Variants in PUSL1 observed in about 807,000 individuals in gnomAD.
PUSL1 encodes the protein pseudouridine synthase like 1.
In PUSL1, 51 loss-of-function variants were observed where a neutral mutation model predicts 30.7. The observed-to-expected ratio is 1.66, with a 90% confidence interval of 1.33 to 2.10. The LOEUF is 2.10. PUSL1 is among the 30% of genes most tolerant of loss of function. The pLI is 0.00. For missense variants in PUSL1, 609 were observed against 427.6 expected (o/e 1.42, Z -3.74); for synonymous variants, 290 against 192.1 (o/e 1.51, Z -4.21).
chr1:1,311,074 A>G lies in PUSL1; in HGVS notation c.862+3A>G. 3.8e-6 allele frequency: 6 copies of G among 1,595,208 alleles called. No individual in the cohort carries two copies. Among genetic ancestry groups the G allele is most frequent in the Non-Finnish European group, 5.1e-6 (6 of 1,166,730 alleles). ...GTCAGTGCTGTACGGGAACCTCGGTAAGAAAAACAGGCACGAGAAGCTCCT... is the reference window on the plus strand; with the variant it reads ...GTCAGTGCTGTACGGGAACCTCGGTGAGAAAAACAGGCACGAGAAGCTCCT... On this transcript the variant is annotated splice_donor_region_variant and intron_variant, in intron 7 of 7. Transcript: ENST00000379031.
At chr1:1,309,376 T>C in intron 3 of PUSL1, 78 bp from the exon 4 acceptor site, 3 of 1,491,994 alleles carry the variant, frequency 2.0e-6, no homozygotes, top group East Asian at 4.9e-5. Flanking sequence ...TGGTCGGAGC[T>C]CGAGGGGGAA....
rs773060240 is a variant in PUSL1 at position 1,310,678 on chromosome 1, T to G, written c.689T>G (p.Leu230Arg). The G allele has an allele frequency of 6.2e-7, 1 of 1,603,184 alleles. No homozygotes were observed. The highest frequency in any genetic ancestry group is 1.7e-5 in the Admixed American group (1 of 59,374). ...CTGGAGTTTGAGAGCCAGTCTTTCC[T>G]GTATAGACAGGTAGGCTCTGTTCTG... ...WNLEFESQSF[L>R]YRQVRRMTAV... Residue 230 changes from leucine to arginine, a missense_variant, in exon 6 of 8, where the codon CTG becomes CGG. Coordinates refer to ENST00000379031, the MANE Select transcript of PUSL1 (RefSeq NM_153339.3).
At chr1:1,308,756 G>A in intron 1 of PUSL1, 36 bp downstream of exon 1, 1 of 1,489,782 alleles carries the variant, frequency 6.7e-7, no homozygotes, top group Non-Finnish European at 9.0e-7. Context: ...GCGCCACGTG[G>A]GCCCGGGCGG....
In PUSL1 at chr1:1,309,697, G is replaced by A. The variant is rs1641993963; in HGVS notation, c.490G>A (p.Ala164Thr). Reference protein sequence around the residue: ...TLPADCLDMVAMQEAAQHLLG... With the variant: ...TLPADCLDMVTMQEAAQHLLG... ...TCCCTGAAGCTGCCTGGATATGGTC[G>A]CCATGCAGGAAGCCGCCCAGCACCT... Residue 164 changes from alanine to threonine, a missense_variant, in exon 5 of 8, where the codon GCC becomes ACC. Physicochemically the swap from Ala to Thr is moderately conservative, Grantham distance 58 (BLOSUM62 0). Transcript: ENST00000379031. 3 of 1,595,700 alleles carry A rather than the reference G, an allele frequency of 1.9e-6. No individual in the cohort carries two copies. Among genetic ancestry groups the A allele is most frequent in the African/African-American group, 1.3e-5 (1 of 74,612 alleles).
Position 1,309,997 on chromosome 1 carries a change from C to A in PUSL1, c.644+146C>A, listed in dbSNP as rs1642027638. Reference sequence around the variant, plus strand: ...ACCTGGACAGCTGGAGGGGATTCGCCCGGACGCCCCCCAGCCTCCAGCTGT... The same window carrying A: ...ACCTGGACAGCTGGAGGGGATTCGCACGGACGCCCCCCAGCCTCCAGCTGT... On this transcript the variant is annotated intron_variant, in intron 5 of 7. Coordinates refer to ENST00000379031, the MANE Select transcript of PUSL1 (RefSeq NM_153339.3). 4 of 605,782 alleles carry A rather than the reference C, an allele frequency of 6.6e-6. No homozygotes were observed. The East Asian group carries it at 1.2e-4, about 19-fold the overall frequency. The allele number at this position is 605,782 out of a possible 1,614,324, so 37.5% of individuals were successfully genotyped here.
In PUSL1 at chr1:1,308,852, A is replaced by G. The variant is rs1298173008; in HGVS notation, c.78-63A>G. 3 of 1,426,390 alleles carry G rather than the reference A, an allele frequency of 2.1e-6. No homozygotes were observed. In the East Asian group the frequency reaches 9.1e-5, roughly 43 times the overall value. The allele number at this position is 1,426,390 out of a possible 1,614,324, so 88.4% of individuals were successfully genotyped here. A position where few individuals can be genotyped will look rare whatever the true frequency, so the allele number is the denominator to read the frequency against. The stretch of plus-strand genomic sequence containing the variant: ...CGGGGAAGGAAGCGGCCCTGGCCTC[A>G]GACGGCGGCGGAGACCCCAGGGCAG... On this transcript the variant is annotated intron_variant, in intron 1 of 7. Coordinates refer to ENST00000379031, the MANE Select transcript of PUSL1 (RefSeq NM_153339.3).
intron 4 of PUSL1, 21 bp from the exon 5 acceptor site, chr1:1,309,660 C>CG: frequency 6.3e-7 from 1 of 1,596,236 alleles, no homozygotes; most frequent in Non-Finnish European, 8.6e-7. Context: ...ACCCTCCTGA[C>CG]GGTCACCCTG....
rs563046739 is a variant in PUSL1, at chr1:1,308,909, C to G, written c.78-6C>G. ...CCCGGTAACCTCCGCCCGCTTCTGC[C>G]CGCAGCGGGGTCGCGGCCGTCAGGG... On this transcript the variant is annotated splice_region_variant and splice_polypyrimidine_tract_variant and intron_variant, in intron 1 of 7. Coordinates refer to ENST00000379031, the MANE Select transcript of PUSL1 (RefSeq NM_153339.3). The G allele has an allele frequency of 1.8e-5, 25 of 1,415,064 alleles. No individual in the cohort carries two copies. In the African/African-American group the frequency reaches 3.6e-4, roughly 20 times the overall value. 87.7% of individuals were successfully genotyped at this position (1,415,064 alleles called of 1,614,324 possible). A position where few individuals can be genotyped will look rare whatever the true frequency, so the allele number is the denominator to read the frequency against.
Position 1,308,926 on chromosome 1 carries a change from C to T in PUSL1, c.89C>T (p.Ala30Val), listed in dbSNP as rs1299123847. Residue 30 changes from alanine (A) to valine (V), a missense_variant, in exon 2 of 8, where the codon GCC becomes GTC. Transcript: ENST00000379031. ...GCTTCTGCCCGCAGCGGGGTCGCGG[C>T]CGTCAGGGGCACTCAGCGCGCCGTC... ...YVGTDFNGVA[A>V]VRGTQRAVGV... 2.1e-6 allele frequency: 3 copies of T among 1,419,166 alleles called. No individual in the cohort carries two copies. The East Asian group carries it at 8.7e-5, about 41-fold the overall frequency. The allele number at this position is 1,419,166 out of a possible 1,614,324, so 87.9% of individuals were successfully genotyped here. A position where few individuals can be genotyped will look rare whatever the true frequency, so the allele number is the denominator to read the frequency against.
rs970441624 is a variant in PUSL1 at position 1,309,589 on chromosome 1, G to T, written c.459G>T (p.Trp153Cys). The stretch of plus-strand genomic sequence containing the variant: ...CGGTGTTTGAACGCAACCTATGCTG[G>T]ACTCTCCCGGCAGAGTGAGTGTGGC... Reference protein sequence around the residue: ...ELPVFERNLCWTLPADCLDMV... With the variant: ...ELPVFERNLCCTLPADCLDMV... Residue 153 changes from tryptophan (W) to cysteine (C), a missense_variant, in exon 4 of 8, where the codon TGG becomes TGT. Coordinates refer to ENST00000379031, the MANE Select transcript of PUSL1 (RefSeq NM_153339.3). The T allele has an allele frequency of 1.9e-6, 3 of 1,611,440 alleles. No homozygotes were observed. The highest frequency in any genetic ancestry group is 1.1e-5 in the South Asian group (1 of 91,034).
In PUSL1 at chr1:1,308,715, CT is replaced by C; in HGVS notation, c.75del (p.Phe25LeufsTer27). ...LVYFQYVGTD[F>X]NGVAAVRGTQ... Reference sequence around the variant, plus strand: ...TGTACTTCCAGTACGTGGGCACCGACTTTAAGTAGGTTTCCCAGGCGCAGCG... The same window carrying C: ...TGTACTTCCAGTACGTGGGCACCGACTTAAGTAGGTTTCCCAGGCGCAGCG... On this transcript the variant is annotated frameshift_variant, in exon 1 of 8. Transcript: ENST00000379031. LOFTEE classifies it high-confidence loss of function. The C allele has an allele frequency of 6.4e-7, 1 of 1,553,592 alleles. No homozygotes were observed. Among genetic ancestry groups the C allele is most frequent in the South Asian group, 1.2e-5 (1 of 84,340 alleles).
rs531110647 is a variant in PUSL1, at chr1:1,310,792, G to A, written c.699+104G>A. 1.7e-5 allele frequency: 27 copies of A among 1,590,346 alleles called. No individual in the cohort carries two copies. The South Asian group carries it at 2.3e-4, about 14-fold the overall frequency. ...GTGGGCGGCTCTGGGTCACAGGTACGGAGGATGACGGCTGTGCTGGTGGGT... is the reference window on the plus strand; with the variant it reads ...GTGGGCGGCTCTGGGTCACAGGTACAGAGGATGACGGCTGTGCTGGTGGGT... On this transcript the variant is annotated intron_variant, in intron 6 of 7. Transcript: ENST00000379031.
chr1:1,310,617 G>A lies in PUSL1; in HGVS notation c.645-17G>A, dbSNP rs1477361095. Reference sequence around the variant, plus strand: ...AAACACTGCCCCACAGACACCTACAGGTACGTATTTTTCCAGGAAGCTGCG... The same window carrying A: ...AAACACTGCCCCACAGACACCTACAAGTACGTATTTTTCCAGGAAGCTGCG... On this transcript the variant is annotated splice_polypyrimidine_tract_variant and intron_variant, in intron 5 of 7. Coordinates refer to ENST00000379031, the MANE Select transcript of PUSL1 (RefSeq NM_153339.3). 8.5e-6 allele frequency: 13 copies of A among 1,535,904 alleles called. No individual in the cohort carries two copies. Among genetic ancestry groups the A allele is most frequent in the Admixed American group, 1.8e-5 (1 of 54,460 alleles).
Position 1,309,255 on chromosome 1 carries a change from T to G in PUSL1, c.305T>G (p.Leu102Arg), listed in dbSNP as rs1374407110. 10 of 1,491,770 alleles carry G rather than the reference T, an allele frequency of 6.7e-6. No individual in the cohort carries two copies. The highest frequency in any genetic ancestry group is 2.4e-5 in the East Asian group (1 of 42,198). The allele number at this position is 1,491,770 out of a possible 1,614,324, so 92.4% of individuals were successfully genotyped here. The stretch of plus-strand genomic sequence containing the variant: ...CTGGCCGAGGCCCTCAACACACACC[T>G]GCGGCACCCGGCCATCAGGTGAGCC... The part of the protein sequence containing the change: ...EVLAEALNTH[L>R]RHPAIRVLRA... Residue 102 changes from leucine to arginine, a missense_variant, in exon 3 of 8, where the codon CTG becomes CGG. Physicochemically the swap from Leu to Arg is moderately radical, Grantham distance 102. Coordinates refer to ENST00000379031, the MANE Select transcript of PUSL1 (RefSeq NM_153339.3).
rs936096199 is a variant in PUSL1, at chr1:1,309,843, G to A, written c.636G>A (p.Glu212=). The A allele has an allele frequency of 2.5e-5, 38 of 1,523,256 alleles. No individual in the cohort carries two copies. The highest frequency in any genetic ancestry group is 2.5e-4 in the African/African-American group (18 of 72,354). 94.4% of individuals were successfully genotyped at this position (1,523,256 alleles called of 1,614,324 possible). A position where few individuals can be genotyped will look rare whatever the true frequency, so the allele number is the denominator to read the frequency against. ...AAGCCAGCCCCTTGGTCACCCCCGA[G>A]GAGAGCAGGTGAGGAAGGGCCCCTG... ...PGQASPLVTP[E]ESRKLRFWNL... is the part of the protein sequence containing the mutation. Residue 212 remains glutamate, a synonymous_variant, in exon 5 of 8, where the codon GAG becomes GAA. Transcript: ENST00000379031.
chr1:1,308,979 T>G lies in PUSL1; in HGVS notation c.135+7T>G, dbSNP rs1641927282. 1 of 1,409,410 alleles carries G rather than the reference T, an allele frequency of 7.1e-7. No homozygotes were observed. The highest frequency in any genetic ancestry group is 3.2e-5 in the Admixed American group (1 of 31,166). 87.3% of individuals were successfully genotyped at this position (1,409,410 alleles called of 1,614,324 possible). A position where few individuals can be genotyped will look rare whatever the true frequency, so the allele number is the denominator to read the frequency against. On this transcript the variant is annotated splice_region_variant and intron_variant, in intron 2 of 7. Coordinates refer to ENST00000379031, the MANE Select transcript of PUSL1 (RefSeq NM_153339.3). ...GGTCCAGAACTACCTGGAGGTGCGC[T>G]CAGCCGGTCACGGGACGCCCGGTGA...
At chr1:1,309,360 C>T in intron 3 of PUSL1, 87 bp downstream of exon 3, 5 of 1,473,364 alleles carry the variant, frequency 3.4e-6, no homozygotes, top group Middle Eastern at 2.1e-4. Context: ...GACAGACTTC[C>T]TTGTCTGGTC....
Position 1,309,113 on chromosome 1 carries a change from G to C in PUSL1, c.163G>C (p.Glu55Gln), listed in dbSNP as rs936415510. 3 of 1,516,436 alleles carry C rather than the reference G, an allele frequency of 2.0e-6. No homozygotes were observed. The African/African-American group carries it at 4.3e-5, about 22-fold the overall frequency. The allele number at this position is 1,516,436 out of a possible 1,614,324, so 93.9% of individuals were successfully genotyped here. Reference sequence around the variant, plus strand: ...GGCCGCCGAGCGGCTGAATTCCGTGGAGCCGGTCAGGTTCACCATCTCCAG... The same window carrying C: ...GGCCGCCGAGCGGCTGAATTCCGTGCAGCCGGTCAGGTTCACCATCTCCAG... ...EEAAERLNSVEPVRFTISSRT... is the reference protein window; with the variant it reads ...EEAAERLNSVQPVRFTISSRT... Residue 55 changes from glutamate to glutamine, a missense_variant, in exon 3 of 8, where the codon GAG (glutamate) becomes CAG (glutamine). Physicochemically the swap from Glu to Gln is conservative, Grantham distance 29. Coordinates refer to ENST00000379031, the MANE Select transcript of PUSL1 (RefSeq NM_153339.3).
Position 1,309,214 on chromosome 1 carries a change from CT to C in PUSL1, c.266del (p.Phe89SerfsTer149). The C allele has an allele frequency of 6.6e-7, 1 of 1,525,234 alleles. No homozygotes were observed. Among genetic ancestry groups the C allele is most frequent in the Non-Finnish European group, 8.7e-7 (1 of 1,144,914 alleles). 94.5% of individuals were successfully genotyped at this position (1,525,234 alleles called of 1,614,324 possible). The stretch of plus-strand genomic sequence containing the variant: ...TCCAGCGCCGCTCAGGCCGGCCGCC[CT>C]TCCCGCCCGAGGTCCTGGCCGAGGC... ...DVQRRSGRPP[F>X]PPEVLAEALN... On this transcript the variant is annotated frameshift_variant, in exon 3 of 8. Transcript: ENST00000379031. LOFTEE classifies it high-confidence loss of function.
Sources: gnomAD v4.1 joint callset for allele counts on GRCh38, gnomAD v4.1.1 for gene constraint, MANE v1.5 for transcripts, NCBI Gene and HGNC (gene_info 2026-07-23, HGNC 2026-07-21) for gene names.